VSIG4: variants seen among roughly 807,000 people sequenced by gnomAD.
VSIG4 encodes V-set and immunoglobulin domain containing 4, also known as V-set and immunoglobulin domain-containing protein 4.
In VSIG4, 34 loss-of-function variants were observed where a neutral mutation model predicts 23.4. The observed-to-expected ratio is 1.45, with a 90% CI of 1.10 to 1.93. VSIG4 has a LOEUF of 1.93. VSIG4 is among the 30% of genes most tolerant of loss of function. VSIG4 has a pLI of 0.00. For synonymous variants in VSIG4, 169 were observed against 120.3 expected (o/e 1.41, Z -2.65); for missense variants, 433 against 310.8 (o/e 1.39, Z -2.96).
chrX:66,028,925 T>C (rs1239026844), intron 3 of VSIG4, among the ~76,000 whole-genome samples: 1 of 111,491 alleles, frequency 9.0e-6, no homozygotes. Flanking sequence ...AGGCAATGGA[T>C]AATAGGCGAG....
chrX:66,038,410 G>A (rs747439101), intron 1 of VSIG4, among the ~76,000 whole-genome samples: 15 of 110,474 alleles, frequency 1.4e-4, no homozygotes, highest in Non-Finnish European at 2.1e-4. Flanking sequence ...CAAATGGAAG[G>A]CCTGCTTCCA....
chrX:66,027,973 G>T, intron 4 of VSIG4, 77 bp downstream of exon 4: 1 of 939,271 alleles, frequency 1.1e-6, no homozygotes, highest in Non-Finnish European at 1.5e-6. Context: ...CCATTCCATG[G>T]CATTGTGATT....
At position 66,032,559 on chromosome X, in the gene VSIG4, C is replaced by G; in HGVS notation, c.603G>C (p.Ala201=). The stretch of plus-strand genomic sequence containing the variant: ...AATAGGAGCCTGAGTCGGCTATCAC[C>G]GCAGGCTTGAAGAGTAAGGTACTTA... ...ATLSTLLFKP[A]VIADSGSYFC... Residue 201 remains alanine (A), a synonymous_variant, in exon 3 of 8, where the codon GCG becomes GCC. Transcript: ENST00000374737. The G allele has an allele frequency of 8.3e-7, 1 of 1,211,566 alleles. No homozygotes were observed. Among genetic ancestry groups the G allele is most frequent in the Non-Finnish European group, 1.1e-6 (1 of 895,358 alleles).
chrX:66,034,271 G>T (rs1297217184), intron 1 of VSIG4, among the ~76,000 whole-genome samples: 1 of 112,119 alleles, frequency 8.9e-6, no homozygotes, highest in Non-Finnish European at 1.9e-5. Context: ...AAGCATTTGG[G>T]TCTGGACTAT....
chrX:66,033,459 C>A lies in VSIG4; in HGVS notation c.412+15G>T. 8.5e-7 allele frequency: 1 copy of A among 1,171,683 alleles called. No homozygotes were observed. Among genetic ancestry groups the A allele is most frequent in the Non-Finnish European group, 1.2e-6 (1 of 865,786 alleles). ...CATTGATTATCAGTGCTTTCCTACC[C>A]CCATAGTGACTCACGTTTCTGGACA... On this transcript the variant is annotated intron_variant, in intron 2 of 7. Coordinates refer to ENST00000374737, the MANE Select transcript of VSIG4 (RefSeq NM_007268.3).
intron 6 of VSIG4, 95 bp from the exon 7 acceptor site, chrX:66,022,957 G>A (rs758462296): frequency 1.1e-5 from 11 of 959,828 alleles, no homozygotes; most frequent in East Asian, 3.1e-5. Context: ...ATGAGGGAAG[G>A]GTACAGAGGA....
At chrX:66,037,794 T>C (rs1330725076) in intron 1 of VSIG4, among the ~76,000 whole-genome samples, 1 of 105,527 alleles carries the variant, frequency 9.5e-6, no homozygotes, top group African/African-American at 3.4e-5. Context: ...TATATACTTA[T>C]TGCTGATAAG....
At chrX:66,028,661 A>C (rs750197188) in intron 3 of VSIG4, among the ~76,000 whole-genome samples, 5 of 107,292 alleles carry the variant, frequency 4.7e-5, no homozygotes, top group Non-Finnish European at 7.7e-5. Context: ...AGTTTTGGTA[A>C]GAACAGCAAG....
At chrX:66,039,342 G>T (rs762711192) in intron 1 of VSIG4, among the ~76,000 whole-genome samples, 47 of 111,828 alleles carry the variant, frequency 4.2e-4, no homozygotes, top group Admixed American at 3.3e-3. Context: ...TTGGATGGAA[G>T]TCAGAGGGAA....
intron 1 of VSIG4, among the ~76,000 whole-genome samples, chrX:66,039,722 A>G (rs1357627372): frequency 3.6e-5 from 4 of 112,090 alleles, no homozygotes; most frequent in African/African-American, 1.3e-4. Context: ...TTCCAAGAGA[A>G]AAATCCTTTT....
At chrX:66,036,758 TAA>T (rs1287812420) in intron 1 of VSIG4, among the ~76,000 whole-genome samples, 5 of 44,027 alleles carry the variant, frequency 1.1e-4, no homozygotes, top group South Asian at 1.4e-3. Context: ...ATATATAATA[TAA>T]TATAATATAT....
chrX:66,022,684 G>A (rs2085346638), intron 7 of VSIG4, 157 bp downstream of exon 7: 2 of 1,136,393 alleles, frequency 1.8e-6, no homozygotes, highest in South Asian at 2.1e-5. Flanking sequence ...ACCTCAGAAG[G>A]TGCCTGAGAG....
rs200943339 is a variant in VSIG4 at position 66,025,063 on chromosome X, A to G, written c.902T>C (p.Met301Thr). Residue 301 changes from methionine to threonine, a missense_variant, in exon 6 of 8, where the codon ATG (methionine) becomes ACG (threonine). Met to Thr is a moderately conservative substitution (Grantham distance 81). Coordinates refer to ENST00000374737, the MANE Select transcript of VSIG4 (RefSeq NM_007268.3). ...ISLCCMVVFTMAYIMLCRKTS... is the reference protein window; with the variant it reads ...ISLCCMVVFTTAYIMLCRKTS... ...CTTCCGACAGAGCATGATATAGGCC[A>G]TGGTAAAAACCACCATACAGCACAA... 1.5e-5 allele frequency: 18 copies of G among 1,205,609 alleles called. No homozygotes were observed. Among genetic ancestry groups the G allele is most frequent in the Non-Finnish European group, 2.0e-5 (18 of 893,191 alleles).
intron 1 of VSIG4, among the ~76,000 whole-genome samples, chrX:66,036,710 A>T (rs1444016455): frequency 1.8e-5 from 1 of 55,272 alleles, no homozygotes; most frequent in Non-Finnish European, 3.0e-5. Context: ...TATTATAATT[A>T]TATAATATAT....
At chrX:66,037,316 AAT>A (rs2085607712) in intron 1 of VSIG4, among the ~76,000 whole-genome samples, 1 of 28,658 alleles carries the variant, frequency 3.5e-5, no homozygotes, top group East Asian at 1.8e-3. Flanking sequence ...TATAATATAT[AAT>A]ATATATTATA....
intron 4 of VSIG4, among the ~76,000 whole-genome samples, chrX:66,027,751 C>G (rs1214724104): frequency 1.8e-5 from 2 of 111,966 alleles, no homozygotes; most frequent in Admixed American, 9.4e-5. Flanking sequence ...GGTAATGTAC[C>G]CAAAGTCACA....
intron 1 of VSIG4, among the ~76,000 whole-genome samples, chrX:66,036,415 C>T (rs1199226340): frequency 1.9e-5 from 2 of 104,437 alleles, no homozygotes; most frequent in Non-Finnish European, 3.9e-5. Flanking sequence ...CAAGTAGGAG[C>T]CCCTAATGAG....
intron 3 of VSIG4, among the ~76,000 whole-genome samples, 169 bp from the exon 4 acceptor site, chrX:66,028,281 A>G (rs1290136533): frequency 2.7e-5 from 3 of 112,036 alleles, no homozygotes; most frequent in Non-Finnish European, 3.8e-5. Flanking sequence ...CATCTTTCAT[A>G]CATCAATCAA....
At chrX:66,024,561 C>T (rs759487493) in intron 6 of VSIG4, among the ~76,000 whole-genome samples, 1 of 112,015 alleles carries the variant, frequency 8.9e-6, no homozygotes, top group East Asian at 2.8e-4. Flanking sequence ...CTAAGATATT[C>T]TTCCTTCTGA....
Sources: allele counts gnomAD v4.1 joint callset (sites outside exome capture counted in the v4.1 genomes callset), GRCh38; gene constraint gnomAD v4.1.1; transcripts MANE v1.5; gene names NCBI Gene and HGNC (gene_info 2026-07-23, HGNC 2026-07-21).